Variants in UBE3A observed in about 807,000 individuals in gnomAD.
UBE3A encodes the protein ubiquitin-protein ligase E3A.
A neutral mutation model predicts 83.4 loss-of-function variants in UBE3A; 6 were observed. The observed-to-expected ratio is 0.07, with a 90% CI of 0.04 to 0.14. The LOEUF (loss-of-function observed/expected upper bound fraction) is 0.14. Among genes scored for constraint, UBE3A ranks in the 10% least tolerant of loss-of-function variants. The pLI is 1.00. For missense variants in UBE3A, 456 were observed against 1,036.1 expected (o/e 0.44, Z 7.69); for synonymous variants, 337 against 355.4 (o/e 0.95, Z 0.58).
At chr15:25,381,667 C>T (rs1002184193) in intron 4 of UBE3A, among the ~76,000 whole-genome samples, 5 of 152,146 alleles carry the variant, frequency 3.3e-5, no homozygotes, top group African/African-American at 9.7e-5. Flanking sequence ...AGTAATTTCT[C>T]GTAAGTGGAG....
chr15:25,429,723 G>A (rs1378914259), intron 1 of UBE3A, among the ~76,000 whole-genome samples: 1 of 151,882 alleles, frequency 6.6e-6, no homozygotes. Flanking sequence ...GAATGTAATA[G>A]GATTGGTGTG....
At position 25,356,738 on chromosome 15, in the gene UBE3A, G is replaced by C; in HGVS notation, c.1912C>G (p.Leu638Val). 1 of 1,613,648 alleles carries C rather than the reference G, an allele frequency of 6.2e-7. No individual in the cohort carries two copies. The highest frequency in any genetic ancestry group is 1.1e-5 in the South Asian group (1 of 91,064). The change falls in exon 8 of 13, where the codon CTA becomes GTA. Residue 638 changes from leucine to valine, a missense_variant. Coordinates refer to ENST00000648336, the MANE Select transcript of UBE3A (RefSeq NM_130839.5). Reference protein sequence around the residue: ...VHFPMVVYRKLMGKKGTFRDL... With the variant: ...VHFPMVVYRKVMGKKGTFRDL... ...CGAAAAGTTCCTTTTTTCCCCATTA[G>C]CTTCCTGTAGACAACCATGGGAAAA... is the stretch of plus-strand genomic sequence containing the variant.
intron 3 of UBE3A, chr15:25,407,029 C>CT: frequency 7.6e-7 from 1 of 1,314,206 alleles, no homozygotes; most frequent in South Asian, 1.2e-5. Context: ...ACTCCACCCT[C>CT]TCCCCCAGGG....
At chr15:25,364,770 A>G (rs1392327235) in intron 6 of UBE3A, among the ~76,000 whole-genome samples, 1 of 151,286 alleles carries the variant, frequency 6.6e-6, no homozygotes, top group Non-Finnish European at 1.5e-5. Context: ...CAGCCTCCCG[A>G]GTAGCTGGGA....
Position 25,367,197 on chromosome 15 carries a change from A to ACACATTTGTAAATATGTAAATATTTG in UBE3A, c.1608+3368_1608+3369insCAAATATTTACATATTTACAAATGTG, listed in dbSNP as rs1566940342. On this transcript the variant is annotated intron_variant, in intron 6 of 12. Transcript: ENST00000648336. Reference sequence around the variant, plus strand: ...CATATTTGTAAATATGTAAATATTTACATATTTGTAAATATGTAAATATTT... The same window carrying ACACATTTGTAAATATGTAAATATTTG: ...CATATTTGTAAATATGTAAATATTTACACATTTGTAAATATGTAAATATTTGCATATTTGTAAATATGTAAATATTT... 3.3e-4 allele frequency among the ~76,000 whole-genome samples: 41 copies of ACACATTTGTAAATATGTAAATATTTG among 123,354 alleles called. 1 individual carries two copies. The highest frequency in any genetic ancestry group is 1.6e-3 in the African/African-American group (40 of 24,488). 80.9% of individuals were successfully genotyped at this position (123,354 alleles called of 152,430 possible). A position where few individuals can be genotyped will look rare whatever the true frequency, so the allele number is the denominator to read the frequency against.
At chr15:25,424,663 G>C (rs1350519209) in intron 1 of UBE3A, among the ~76,000 whole-genome samples, 2 of 151,676 alleles carry the variant, frequency 1.3e-5, no homozygotes, top group Non-Finnish European at 2.9e-5. Flanking sequence ...CTATAACACA[G>C]TTAAGAGGAA....
chr15:25,342,622 G>A (rs999221698), intron 11 of UBE3A, among the ~76,000 whole-genome samples: 1 of 150,590 alleles, frequency 6.6e-6, no homozygotes, highest in Non-Finnish European at 1.5e-5. Context: ...AAATCTACCC[G>A]GATCAAAAAG....
chr15:25,395,779 G>A (rs2085413573), intron 4 of UBE3A, among the ~76,000 whole-genome samples: 1 of 152,212 alleles, frequency 6.6e-6, no homozygotes, highest in Admixed American at 6.5e-5. Flanking sequence ...ACAGTAAACT[G>A]AGCATTTATT....
chr15:25,356,937 TTA>T, intron 7 of UBE3A, 41 bp from the exon 8 acceptor site: 2 of 1,517,354 alleles, frequency 1.3e-6, no homozygotes, highest in Non-Finnish European at 1.8e-6. Flanking sequence ...CTTTTGTATT[TTA>T]TTAAGGACTG....
chr15:25,367,043 T>G (rs181023783), intron 6 of UBE3A, among the ~76,000 whole-genome samples: 84 of 151,860 alleles, frequency 5.5e-4, no homozygotes, highest in African/African-American at 2.0e-3. Flanking sequence ...TCCATAAACT[T>G]ATAACCTCTA....
At chr15:25,429,379 T>G (rs1050529752) in intron 1 of UBE3A, among the ~76,000 whole-genome samples, 6 of 152,206 alleles carry the variant, frequency 3.9e-5, no homozygotes, top group African/African-American at 1.4e-4. Flanking sequence ...AGGCACTTGC[T>G]ATGTCATTTT....
intron 1 of UBE3A, among the ~76,000 whole-genome samples, chr15:25,432,616 A>G (rs1893793500): frequency 6.6e-6 from 1 of 152,190 alleles, no homozygotes; most frequent in African/African-American, 2.4e-5. Context: ...ATGGGTCAAA[A>G]AATTTTTCTC....
At chr15:25,423,128 A>G (rs1890322325) in intron 1 of UBE3A, among the ~76,000 whole-genome samples, 1 of 152,114 alleles carries the variant, frequency 6.6e-6, no homozygotes, top group Admixed American at 6.5e-5. Context: ...CTATAAAATT[A>G]AAGGTAGGTA....
chr15:25,351,635 A>G (rs1317619915), intron 11 of UBE3A, among the ~76,000 whole-genome samples: 1 of 152,082 alleles, frequency 6.6e-6, no homozygotes, highest in East Asian at 1.9e-4. Flanking sequence ...AAACCCAGCT[A>G]ATTTTTGTAT....
At chr15:25,402,014 CTT>C (rs2153030753) in intron 4 of UBE3A, among the ~76,000 whole-genome samples, 1 of 152,214 alleles carries the variant, frequency 6.6e-6, no homozygotes, top group East Asian at 1.9e-4. Flanking sequence ...ACTTTGAATT[CTT>C]TGTCAGGCAG....
At chr15:25,339,941 A>G (rs1367914812) in intron 12 of UBE3A, 144 bp downstream of exon 12, 4 of 1,141,910 alleles carry the variant, frequency 3.5e-6, no homozygotes, top group Non-Finnish European at 5.1e-6. Context: ...ACAGCAAAGT[A>G]TTTTCTCAAT....
chr15:25,422,500 C>CT (rs1368582955), intron 1 of UBE3A, among the ~76,000 whole-genome samples: 1 of 151,826 alleles, frequency 6.6e-6, no homozygotes, highest in East Asian at 1.9e-4. Flanking sequence ...GAAAGGATGC[C>CT]TTACAAGACA....
chr15:25,381,790 T>C lies in UBE3A; in HGVS notation c.63-6027A>G, dbSNP rs539284220. Among the ~76,000 whole-genome samples the C allele has an allele frequency of 7.2e-5, 11 of 152,298 alleles. No homozygotes were observed. In the South Asian group the frequency reaches 1.7e-3, roughly 23 times the overall value. Reference sequence around the variant, plus strand: ...TAAATAGTTCTAGGCCTTGTAGAAATAGACTGTAAGAGACATCTGTGACAC... The same window carrying C: ...TAAATAGTTCTAGGCCTTGTAGAAACAGACTGTAAGAGACATCTGTGACAC... On this transcript the variant is annotated intron_variant, in intron 4 of 12. Transcript: ENST00000648336.
chr15:25,363,891 T>C (rs969496901), intron 6 of UBE3A, among the ~76,000 whole-genome samples: 8 of 152,028 alleles, frequency 5.3e-5, no homozygotes, highest in Non-Finnish European at 1.2e-4. Flanking sequence ...CATAAAATAC[T>C]GTACCACTTA....
Sources: gnomAD v4.1 joint callset for allele counts (sites outside exome capture counted in the v4.1 genomes callset) on GRCh38, gnomAD v4.1.1 for gene constraint, MANE v1.5 for transcripts, NCBI Gene and HGNC (gene_info 2026-07-23, HGNC 2026-07-21) for gene names.